Variants in TEX10 observed in about 807,000 individuals in gnomAD.
TEX10 encodes testis expressed 10.
In TEX10, 24 loss-of-function variants were observed where a neutral mutation model predicts 104.4. The observed-to-expected ratio is 0.23, with a 90% CI of 0.17 to 0.32. The LOEUF (loss-of-function observed/expected upper bound fraction) is 0.32, where lower values mean the gene tolerates loss of function less well. TEX10 is among the 10% of genes least tolerant of loss of function. The probability of loss-of-function intolerance (pLI) is 1.00; values close to 1 mark genes in which losing one functional copy is unlikely to be tolerated. For missense variants in TEX10, 921 were observed against 1,083.9 expected, an observed-to-expected ratio of 0.85 and a Z score of 2.11; for synonymous variants, 396 against 393.4, an observed-to-expected ratio of 1.01 and a Z score of -0.08.
chr9:100,336,265 C>A (rs555065581), intron 5 of TEX10, among the ~76,000 whole-genome samples: 2 of 152,316 alleles, frequency 1.3e-5, no homozygotes, highest in Admixed American at 1.3e-4. Context: ...GGGTCCCCAA[C>A]CCCTGGCCAT....
At chr9:100,341,963 G>C (rs766842254) in intron 4 of TEX10, among the ~76,000 whole-genome samples, 2 of 152,148 alleles carry the variant, frequency 1.3e-5, no homozygotes, top group African/African-American at 2.4e-5. Flanking sequence ...GCCACACTCA[G>C]GTTAAAATCC....
At chr9:100,351,500 C>T (rs764212144) in intron 1 of TEX10, among the ~76,000 whole-genome samples, 17 of 152,104 alleles carry the variant, frequency 1.1e-4, no homozygotes, top group Non-Finnish European at 2.2e-4. Flanking sequence ...ATTAAGCAAG[C>T]ACACTTTGTG....
In TEX10 at chr9:100,330,020, G is replaced by T. The variant is rs1186900681; in HGVS notation, c.1400C>A (p.Thr467Asn). 6.2e-7 allele frequency: 1 copy of T among 1,614,086 alleles called. No individual in the cohort carries two copies. Among genetic ancestry groups the T allele is most frequent in the Admixed American group, 1.7e-5 (1 of 60,000 alleles). The stretch of plus-strand genomic sequence containing the variant: ...ATTTAGCCTAGAGCCATCTTCAAGG[G>T]TCTCTGTTACAAATTTCCTTATCAT... ...IEMIRKFVTE[T>N]LEDGSRLNSK... The change falls in exon 6 of 15, where the codon ACC (threonine) becomes AAC (asparagine). Residue 467 changes from threonine (T) to asparagine (N), a missense_variant. Physicochemically the swap from Thr to Asn is moderately conservative, Grantham distance 65. Around this residue, in one of 3 missense-constraint regions of TEX10, gnomAD observed 753 missense variants for 868.4 expected, o/e 0.87. Coordinates refer to ENST00000374902, the MANE Select transcript of TEX10 (RefSeq NM_017746.4).
At chr9:100,351,682 C>G (rs1054665972) in intron 1 of TEX10, among the ~76,000 whole-genome samples, 3 of 152,174 alleles carry the variant, frequency 2.0e-5, no homozygotes, top group Non-Finnish European at 4.4e-5. Flanking sequence ...TATTATCTAT[C>G]GCTTTGTATT....
At position 100,302,151 on chromosome 9, in the gene TEX10, T is replaced by TAGAC; in HGVS notation, c.*39_*40insGTCT. The TAGAC allele has an allele frequency of 8.2e-7, 1 of 1,212,682 alleles. No homozygotes were observed. Among genetic ancestry groups the TAGAC allele is most frequent in the African/African-American group, 1.5e-5 (1 of 65,716 alleles). The allele number at this position is 1,212,682 out of a possible 1,614,324, so 75.1% of individuals were successfully genotyped here. On this transcript the variant is annotated 3_prime_UTR_variant, in exon 15 of 15. Coordinates refer to ENST00000374902, the MANE Select transcript of TEX10 (RefSeq NM_017746.4). ...AGTCTTTTTCTTCAAATAAGATAGA[T>TAGAC]GTGAATAAACAACTTCAAACAGGAG...
Sources: gnomAD v4.1 joint callset for allele counts (sites outside exome capture counted in the v4.1 genomes callset) on GRCh38, gnomAD v4.1.1 for gene constraint, gnomAD v4.1.1 regional missense constraint, MANE v1.5 for transcripts, NCBI Gene and HGNC (gene_info 2026-07-23, HGNC 2026-07-21) for gene names.